The following ACVR1 variants were observed in gnomAD, a reference collection of about 807,000 sequenced individuals.
ACVR1 encodes the protein activin receptor type-1.
ACVR1 carries 38 observed loss-of-function variants against 57.1 expected under a neutral mutation model. The ratio of observed to expected loss-of-function variants is 0.67; its 90% CI spans 0.51 to 0.87. ACVR1 has a LOEUF of 0.87. Among genes scored for constraint, ACVR1 ranks in the 40% least tolerant of loss-of-function variants. ACVR1 has a pLI of 0.00. For synonymous variants in ACVR1, 212 were observed against 228.1 expected (o/e 0.93, Z 0.63); for missense variants, 463 against 638.2 (o/e 0.73, Z 2.96).
At chr2:157,784,354 G>A (rs1037803626) in intron 3 of ACVR1, among the ~76,000 whole-genome samples, 6 of 152,218 alleles carry the variant, frequency 3.9e-5, no homozygotes, top group Admixed American at 1.3e-4. Flanking sequence ...CAACAGTACT[G>A]ACAGGAAGCA....
intron 3 of ACVR1, chr2:157,790,039 T>G (rs1686852271): frequency 1.3e-5 from 2 of 152,482 alleles, no homozygotes; most frequent in South Asian, 4.1e-4. Flanking sequence ...ATGGAACTGC[T>G]CAGAAGCCTG....
intron 2 of ACVR1, among the ~76,000 whole-genome samples, chr2:157,816,138 T>C (rs977905117): frequency 6.6e-6 from 1 of 152,184 alleles, no homozygotes; most frequent in Non-Finnish European, 1.5e-5. Flanking sequence ...TTTAACATAA[T>C]TAATATGCAT....
chr2:157,744,615 G>T (rs964800535), intron 9 of ACVR1, among the ~76,000 whole-genome samples: 3 of 152,230 alleles, frequency 2.0e-5, no homozygotes, highest in Admixed American at 6.5e-5. Context: ...GGAAAAAAAT[G>T]ATGAGGGCAG....
At chr2:157,762,883 A>G (rs188518546) in intron 8 of ACVR1, among the ~76,000 whole-genome samples, 94 of 152,288 alleles carry the variant, frequency 6.2e-4, no homozygotes, top group African/African-American at 2.2e-3. Flanking sequence ...ACAGAGTTGG[A>G]AACTCCAGCT....
intron 9 of ACVR1, among the ~76,000 whole-genome samples, chr2:157,745,553 C>G (rs1177528250): frequency 6.6e-6 from 1 of 152,174 alleles, no homozygotes; most frequent in East Asian, 1.9e-4. Flanking sequence ...CTACTCTCCT[C>G]TGTTCTGGAT....
rs779049920 is a variant in ACVR1 at position 157,799,509 on chromosome 2, G to C, written c.-7-9C>G. ...CATCTACCATTGTACAACTGTAAAG[G>C]GAAAAGAAGAGATGTAAGTAAAGCA... On this transcript the variant is annotated splice_polypyrimidine_tract_variant and intron_variant, in intron 2 of 10. Transcript: ENST00000434821. The C allele has an allele frequency of 1.2e-6, 2 of 1,602,016 alleles. No homozygotes were observed. Among genetic ancestry groups the C allele is most frequent in the South Asian group, 1.1e-5 (1 of 90,860 alleles).
At chr2:157,807,382 A>G (rs1248730543) in intron 2 of ACVR1, among the ~76,000 whole-genome samples, 1 of 152,196 alleles carries the variant, frequency 6.6e-6, no homozygotes, top group Non-Finnish European at 1.5e-5. Flanking sequence ...TTATTTCACC[A>G]GGCTTGACTA....
At chr2:157,796,232 A>AG (rs1196398268) in intron 3 of ACVR1, among the ~76,000 whole-genome samples, 1 of 151,550 alleles carries the variant, frequency 6.6e-6, no homozygotes, top group Non-Finnish European at 1.5e-5. Context: ...AAAAAAAAAA[A>AG]AAAAAAATTA....
chr2:157,819,570 T>A (rs754514215), intron 1 of ACVR1: 1 of 151,768 alleles, frequency 6.6e-6, no homozygotes, highest in Non-Finnish European at 1.5e-5. Context: ...CCAAGATCCC[T>A]GGCCCCTCCT....
Position 157,766,047 on chromosome 2 carries a change from T to C in ACVR1, c.940A>G (p.Ser314Gly). The C allele has an allele frequency of 1.9e-6, 3 of 1,614,158 alleles. No homozygotes were observed. The highest frequency in any genetic ancestry group is 2.5e-6 in the Non-Finnish European group (3 of 1,180,006). ...SCLRIVLSIA[S>G]GLAHLHIEIF... ...TCTATGTGCAAATGTGCAAGACCAC[T>C]AGCTATGGACAGCACTATTCGAAGG... The change falls in exon 8 of 11, where the codon AGT (serine) becomes GGT (glycine). Residue 314 changes from serine (S) to glycine (G), a missense_variant. By Grantham distance (56) the Ser-to-Gly change is moderately conservative (BLOSUM62 0). Around this residue, in one of 3 missense-constraint regions of ACVR1, gnomAD observed 114 missense variants for 216.2 expected, o/e 0.53. Transcript: ENST00000434821.
intron 6 of ACVR1, among the ~76,000 whole-genome samples, chr2:157,771,685 T>C (rs2105267962): frequency 6.6e-6 from 1 of 152,256 alleles, no homozygotes; most frequent in Middle Eastern, 3.4e-3. Context: ...AGCAGTTCTG[T>C]CCAGGAGACA....
intron 3 of ACVR1, among the ~76,000 whole-genome samples, chr2:157,786,904 C>CTATCGGCATATTA (rs934566461): frequency 1.3e-5 from 2 of 152,132 alleles, no homozygotes; most frequent in African/African-American, 4.8e-5. Context: ...TATTTTATCC[C>CTATCGGCATATTA]TATCGGTGAA....
At chr2:157,863,613 C>T (rs897553388) in intron 1 of ACVR1, among the ~76,000 whole-genome samples, 7 of 151,014 alleles carry the variant, frequency 4.6e-5, no homozygotes, top group African/African-American at 1.7e-4. Context: ...ATGAGAATCG[C>T]TTGAACCCAG....
At position 157,737,499 on chromosome 2, in the gene ACVR1, G is replaced by T. The variant is rs776697456; in HGVS notation, c.*32C>A. ...GTCCCAGCTGGACAATGACAACAAC[G>T]TCAAATCTTCCTTCTTGACACTATG... is the stretch of plus-strand genomic sequence containing the variant. On this transcript the variant is annotated 3_prime_UTR_variant, in exon 11 of 11. Coordinates refer to ENST00000434821, the MANE Select transcript of ACVR1 (RefSeq NM_001111067.4). 1.9e-6 allele frequency: 3 copies of T among 1,612,914 alleles called. No individual in the cohort carries two copies. In the Admixed American group the frequency reaches 5.0e-5, roughly 27 times the overall value.
At chr2:157,854,626 G>A (rs1689446440) in intron 1 of ACVR1, among the ~76,000 whole-genome samples, 1 of 152,088 alleles carries the variant, frequency 6.6e-6, no homozygotes, top group Admixed American at 6.5e-5. Context: ...GGGAGGCTGA[G>A]GCAGGAGAAT....
chr2:157,781,991 G>A (rs1383395857), intron 3 of ACVR1, among the ~76,000 whole-genome samples: 1 of 152,226 alleles, frequency 6.6e-6, no homozygotes, highest in Non-Finnish European at 1.5e-5. Flanking sequence ...ACCCTCAGTA[G>A]TGGGTCTAGG....
At chr2:157,741,794 A>C (rs1054280751) in intron 9 of ACVR1, among the ~76,000 whole-genome samples, 1 of 152,104 alleles carries the variant, frequency 6.6e-6, no homozygotes, top group Non-Finnish European at 1.5e-5. Context: ...TCAGAGGAGG[A>C]AACACCTCCA....
rs140035295 is a variant in ACVR1 at position 157,825,565 on chromosome 2, G to A, written c.-182-7006C>T. ...GGCAGCATTAGATTCTCAGTGGAGCGAACCCTATTGTGAACTGCACATGTG... is the reference window on the plus strand; with the variant it reads ...GGCAGCATTAGATTCTCAGTGGAGCAAACCCTATTGTGAACTGCACATGTG... On this transcript the variant is annotated intron_variant, in intron 1 of 10. Coordinates refer to ENST00000434821, the MANE Select transcript of ACVR1 (RefSeq NM_001111067.4). Among the ~76,000 whole-genome samples, 1,436 of 152,266 alleles carry A rather than the reference G, an allele frequency of 9.4e-3. 10 individuals carry two copies. Among genetic ancestry groups the A allele is most frequent in the Non-Finnish European group, 0.013 (917 of 68,014 alleles).
chr2:157,855,317 T>TACACAC (rs1251720145), intron 1 of ACVR1, among the ~76,000 whole-genome samples: 13 of 107,538 alleles, frequency 1.2e-4, no homozygotes, highest in Middle Eastern at 4.5e-3. Flanking sequence ...TGTATATATA[T>TACACAC]ATATATACAC....
Sources: gnomAD v4.1 joint callset for allele counts (sites outside exome capture counted in the v4.1 genomes callset) on GRCh38, gnomAD v4.1.1 for gene constraint, gnomAD v4.1.1 regional missense constraint, MANE v1.5 for transcripts, NCBI Gene and HGNC (gene_info 2026-07-23, HGNC 2026-07-21) for gene names.